The following MGAT4C variants were observed in gnomAD, a reference collection of about 807,000 sequenced individuals.
The protein encoded by MGAT4C is alpha-1,3-mannosyl-glycoprotein 4-beta-N-acetylglucosaminyltransferase C.
MGAT4C carries 19 observed loss-of-function variants against 40.1 expected under a neutral mutation model. The observed-to-expected ratio is 0.47, with a 90% CI of 0.33 to 0.70. MGAT4C has a LOEUF of 0.70. Among genes scored for constraint, MGAT4C ranks in the 30% least tolerant of loss-of-function variants. The pLI is 0.02. For synonymous variants in MGAT4C, 181 were observed against 187.1 expected (o/e 0.97, Z 0.27); for missense variants, 491 against 563.2 (o/e 0.87, Z 1.30).
At chr12:86,778,777 A>G (rs1317058817) in intron 1 of MGAT4C, among the ~76,000 whole-genome samples, 3 of 152,134 alleles carry the variant, frequency 2.0e-5, no homozygotes, top group Non-Finnish European at 2.9e-5. Flanking sequence ...AGAGACTTAC[A>G]TTAGTTACTC....
chr12:86,783,522 T>C (rs770889231), intron 1 of MGAT4C, among the ~76,000 whole-genome samples: 3 of 152,162 alleles, frequency 2.0e-5, no homozygotes, highest in Non-Finnish European at 4.4e-5. Flanking sequence ...ATTCTTTGGT[T>C]ATTGTTTGTC....
intron 1 of MGAT4C, among the ~76,000 whole-genome samples, chr12:86,782,172 T>TTA (rs1951855701): frequency 6.4e-5 from 1 of 15,736 alleles, no homozygotes; most frequent in South Asian, 2.8e-3. Context: ...GTTTTTTGTA[T>TTA]TTTTTTTTTT....
chr12:86,334,033 A>C (rs1443044367), intron 4 of MGAT4C: 1 of 152,204 alleles, frequency 6.6e-6, no homozygotes, highest in East Asian at 1.9e-4. Flanking sequence ...ATAGCATAGT[A>C]AAATTCAGTA....
At chr12:86,642,043 A>T (rs2136522192) in intron 2 of MGAT4C, among the ~76,000 whole-genome samples, 1 of 151,962 alleles carries the variant, frequency 6.6e-6, no homozygotes, top group African/African-American at 2.4e-5. Context: ...TGCTACTTAA[A>T]AATGCAAGAA....
chr12:86,742,973 T>C (rs1951092170), intron 1 of MGAT4C, among the ~76,000 whole-genome samples: 1 of 151,104 alleles, frequency 6.6e-6, no homozygotes, highest in Non-Finnish European at 1.5e-5. Flanking sequence ...AAAAATGTGT[T>C]TATGTATATA....
intron 3 of MGAT4C, among the ~76,000 whole-genome samples, chr12:86,360,562 T>G (rs4616112): frequency 0.73 from 111,481 of 152,068 alleles, 41,070 homozygotes; most frequent in East Asian, 0.91. Context: ...GTTTGCAGAT[T>G]ACATGATTGT....
At chr12:86,442,910 C>T (rs1451790584) in intron 2 of MGAT4C, among the ~76,000 whole-genome samples, 1 of 152,164 alleles carries the variant, frequency 6.6e-6, no homozygotes, top group Non-Finnish European at 1.5e-5. Flanking sequence ...TAAGACCCTC[C>T]TCCAGCAGAG....
chr12:86,166,646 T>C (rs1886227267), intron 1 of MGAT4C, among the ~76,000 whole-genome samples: 1 of 152,158 alleles, frequency 6.6e-6, no homozygotes, highest in Non-Finnish European at 1.5e-5. Context: ...CACTCTAGCC[T>C]GGGAGACAGT....
chr12:86,513,096 T>G (rs1441560476), intron 2 of MGAT4C, among the ~76,000 whole-genome samples: 1 of 152,134 alleles, frequency 6.6e-6, no homozygotes, highest in African/African-American at 2.4e-5. Context: ...AGTTGCAATG[T>G]GTATGTATGT....
At chr12:86,318,306 C>T (rs909115185) in intron 4 of MGAT4C, among the ~76,000 whole-genome samples, 20 of 152,302 alleles carry the variant, frequency 1.3e-4, no homozygotes, top group African/African-American at 2.4e-4. Context: ...CTTTCCAACA[C>T]GCCTCACATT....
rs577792306 is a variant in MGAT4C at position 86,470,331 on chromosome 12, T to C, written c.-228-35066A>G. Among the ~76,000 whole-genome samples, 287 of 152,248 alleles carry C rather than the reference T, an allele frequency of 1.9e-3. 1 individual carries two copies. The highest frequency in any genetic ancestry group is 6.8e-3 in the Middle Eastern group (2 of 294). ...TTTGGTTCTCTCTCTTCCCTTTTTTTACTTATCTGAAATGAAAATATGAGG... is the reference window on the plus strand; with the variant it reads ...TTTGGTTCTCTCTCTTCCCTTTTTTCACTTATCTGAAATGAAAATATGAGG... On this transcript the variant is annotated intron_variant, in intron 2 of 7. Coordinates refer to the MGAT4C transcript ENST00000548651.
chr12:86,110,886 T>G (rs1323421581), intron 1 of MGAT4C, among the ~76,000 whole-genome samples: 5 of 151,736 alleles, frequency 3.3e-5, no homozygotes, highest in Admixed American at 2.6e-4. Context: ...TTATATGTAC[T>G]ACTGTGAATT....
chr12:86,800,428 C>A (rs527909335), intron 1 of MGAT4C, among the ~76,000 whole-genome samples: 7 of 151,882 alleles, frequency 4.6e-5, no homozygotes, highest in African/African-American at 1.7e-4. Context: ...ACTTTATAAT[C>A]AATACTTGAA....
chr12:86,412,207 C>G (rs1052715583), intron 3 of MGAT4C, among the ~76,000 whole-genome samples: 12 of 152,214 alleles, frequency 7.9e-5, no homozygotes, highest in Admixed American at 7.2e-4. Flanking sequence ...AGATTCCCCA[C>G]TGGGGCACTT....
chr12:86,258,262 T>G (rs536384368), upstream of MGAT4C, among the ~76,000 whole-genome samples: 1 of 152,010 alleles, frequency 6.6e-6, no homozygotes, highest in East Asian at 1.9e-4. Flanking sequence ...TTTCAGCATG[T>G]TTTCTACATG....
chr12:86,200,127 G>GTTTTTTTTTTTTTTTTTTTTTTTTTTTT (rs56844963), intron 1 of MGAT4C, among the ~76,000 whole-genome samples: 1 of 102,352 alleles, frequency 9.8e-6, no homozygotes, highest in East Asian at 3.1e-4. Flanking sequence ...GTATGTATTT[G>GTTTTTTTTTTTTTTTTTTTTTTTTTTTT]TTTTTTTTTT....
chr12:86,353,340 C>T (rs1200449416), intron 3 of MGAT4C, among the ~76,000 whole-genome samples: 1 of 152,120 alleles, frequency 6.6e-6, no homozygotes, highest in Non-Finnish European at 1.5e-5. Context: ...CATCTAGAGA[C>T]TCTGAAAAAT....
intron 2 of MGAT4C, among the ~76,000 whole-genome samples, chr12:86,468,120 G>A (rs1957707721): frequency 6.6e-6 from 1 of 151,918 alleles, no homozygotes; most frequent in Admixed American, 6.6e-5. Flanking sequence ...ATGCCCTACT[G>A]TCTTCTTGGC....
At chr12:86,631,318 G>T (rs1316545772) in intron 2 of MGAT4C, among the ~76,000 whole-genome samples, 2 of 152,038 alleles carry the variant, frequency 1.3e-5, no homozygotes, top group Non-Finnish European at 2.9e-5. Flanking sequence ...TCGTGAATAT[G>T]GCCATACTGT....
Sources: gnomAD v4.1 joint callset for allele counts (sites outside exome capture counted in the v4.1 genomes callset) on GRCh38, gnomAD v4.1.1 for gene constraint, MANE v1.5 for transcripts, NCBI Gene and HGNC (gene_info 2026-07-23, HGNC 2026-07-21) for gene names.